Variants in CFAP20DC observed in about 807,000 individuals in gnomAD.
CFAP20DC encodes the protein protein CFAP20DC.
A neutral mutation model predicts 101.7 loss-of-function variants in CFAP20DC; 84 were observed. The observed-to-expected ratio is 0.83, with a 90% confidence interval of 0.69 to 0.99. The LOEUF (loss-of-function observed/expected upper bound fraction) is 0.99, where lower values mean the gene tolerates loss of function less well. Among genes scored for constraint, CFAP20DC ranks in the 50% least tolerant of loss-of-function variants. The pLI is 0.00. For missense variants in CFAP20DC, 1,007 were observed against 970.3 expected (o/e 1.04, Z -0.50); for synonymous variants, 359 against 351.2 (o/e 1.02, Z -0.25).
chr3:58,825,605 T>G (rs1020146655), intron 14 of CFAP20DC, among the ~76,000 whole-genome samples: 9 of 151,844 alleles, frequency 5.9e-5, no homozygotes, highest in Non-Finnish European at 1.2e-4. Flanking sequence ...CAAGATAAAA[T>G]TCACTTAAAA....
chr3:58,761,698 A>G (rs1041419051), intron 15 of CFAP20DC, among the ~76,000 whole-genome samples: 2 of 152,152 alleles, frequency 1.3e-5, no homozygotes, highest in African/African-American at 4.8e-5. Flanking sequence ...CCGTCTACAC[A>G]CTGCTTTGAA....
At chr3:58,870,756 C>A (rs1297752851) in intron 7 of CFAP20DC, among the ~76,000 whole-genome samples, 43 of 148,474 alleles carry the variant, frequency 2.9e-4, no homozygotes, top group Admixed American at 8.7e-4. Context: ...GGCGCGGTGG[C>A]GGGCGCCTGT....
At chr3:58,848,410 G>T (rs2077917588) in intron 13 of CFAP20DC, among the ~76,000 whole-genome samples, 1 of 152,128 alleles carries the variant, frequency 6.6e-6, no homozygotes, top group Non-Finnish European at 1.5e-5. Context: ...GAATGTACAT[G>T]TCATTTGTTA....
In CFAP20DC at chr3:59,007,580, A is replaced by G. The variant is rs112561989; in HGVS notation, c.278+31977T>C. ...ATTTGAGAAAGCCAGAAAACTAAAC[A>G]TGTCTACAACTAAGGACTCTCACAG... is the stretch of plus-strand genomic sequence containing the variant. On this transcript the variant is annotated intron_variant, in intron 4 of 16. Coordinates refer to ENST00000482387, the MANE Select transcript of CFAP20DC (RefSeq NM_001394063.1). This position sits in a 1 kb window ranked among gnomAD's most constrained non-coding sequence, Gnocchi z 4.4. Among the ~76,000 whole-genome samples, 1 of 152,164 alleles carries G rather than the reference A, an allele frequency of 6.6e-6. No individual in the cohort carries two copies. The highest frequency in any genetic ancestry group is 2.4e-5 in the African/African-American group (1 of 41,434).
intron 1 of CFAP20DC, among the ~76,000 whole-genome samples, chr3:59,047,795 T>C (rs554007189): frequency 1.3e-5 from 2 of 152,156 alleles, no homozygotes; most frequent in Non-Finnish European, 2.9e-5. Flanking sequence ...TACTAAACAT[T>C]AAACCTTGAG....
rs1158483831 is a variant in CFAP20DC at position 59,002,218 on chromosome 3, C to T, written c.278+37339G>A. Reference sequence around the variant, plus strand: ...ATGGAACAAAGGGGAATAAATACCTCTTACTCCCAGTAGTTGAGGATATGA... The same window carrying T: ...ATGGAACAAAGGGGAATAAATACCTTTTACTCCCAGTAGTTGAGGATATGA... On this transcript the variant is annotated intron_variant, in intron 4 of 16. Transcript: ENST00000482387. This position sits in a 1 kb window ranked among gnomAD's most constrained non-coding sequence, Gnocchi z 4.5. Among the ~76,000 whole-genome samples, 2 of 152,188 alleles carry T rather than the reference C, an allele frequency of 1.3e-5. No individual in the cohort carries two copies. The highest frequency in any genetic ancestry group is 6.5e-5 in the Admixed American group (1 of 15,286).
At chr3:58,747,763 C>A (rs1384583970) in intron 16 of CFAP20DC, among the ~76,000 whole-genome samples, 2 of 152,224 alleles carry the variant, frequency 1.3e-5, no homozygotes, top group East Asian at 3.9e-4. Context: ...AACTCTACCA[C>A]CAACATATCT....
chr3:58,829,025 T>A (rs539836808), intron 14 of CFAP20DC, among the ~76,000 whole-genome samples: 4 of 152,192 alleles, frequency 2.6e-5, no homozygotes, highest in Non-Finnish European at 5.9e-5. Context: ...TTGACATTAT[T>A]CACTGAGATA....
intron 14 of CFAP20DC, among the ~76,000 whole-genome samples, chr3:58,823,845 C>T (rs994721644): frequency 2.0e-5 from 3 of 152,210 alleles, no homozygotes; most frequent in African/African-American, 7.2e-5. Context: ...AAATTAATTT[C>T]ATTGTTTTCA....
At chr3:58,902,770 C>T (rs553668806) in intron 6 of CFAP20DC, among the ~76,000 whole-genome samples, 8 of 152,146 alleles carry the variant, frequency 5.3e-5, no homozygotes, top group Non-Finnish European at 1.2e-4. Flanking sequence ...TTACATATAA[C>T]CTATGCACAT....
At position 58,869,239 on chromosome 3, in the gene CFAP20DC, G is replaced by A; in HGVS notation, c.1015+89C>T. 1 of 1,055,232 alleles carries A rather than the reference G, an allele frequency of 9.5e-7. No homozygotes were observed. Among genetic ancestry groups the A allele is most frequent in the Non-Finnish European group, 1.4e-6 (1 of 735,528 alleles). The allele number at this position is 1,055,232 out of a possible 1,614,324, so 65.4% of individuals were successfully genotyped here. A position where few individuals can be genotyped will look rare whatever the true frequency, so the allele number is the denominator to read the frequency against. On this transcript the variant is annotated intron_variant, in intron 9 of 16. Transcript: ENST00000482387. This position sits in a 1 kb window ranked among gnomAD's most constrained non-coding sequence, Gnocchi z 4.3. ...GACAATTCTCTAGACTTAAGATCTA[G>A]ACTTGAATATAACTGCTGATTTATC...
rs144325902 is a variant in CFAP20DC, at chr3:58,794,256, A to G, written c.2237+12139T>C. 2,542 of 440,216 alleles carry G rather than the reference A, an allele frequency of 5.8e-3. 18 individuals are homozygous for G. The highest frequency in any genetic ancestry group is 6.2e-3 in the Non-Finnish European group (1,327 of 215,694). 27.3% of individuals were successfully genotyped at this position (440,216 alleles called of 1,614,324 possible). A position where few individuals can be genotyped will look rare whatever the true frequency, so the allele number is the denominator to read the frequency against. On this transcript the variant is annotated intron_variant, in intron 15 of 16. Coordinates refer to ENST00000482387, the MANE Select transcript of CFAP20DC (RefSeq NM_001394063.1). Reference sequence around the variant, plus strand: ...TTTTTTTCCCATGCCTACACCAAACATCCAACAGCATTTTCTTGTCCTGAG... The same window carrying G: ...TTTTTTTCCCATGCCTACACCAAACGTCCAACAGCATTTTCTTGTCCTGAG...
chr3:58,831,981 C>A, intron 13 of CFAP20DC, 92 bp from the exon 14 acceptor site: 2 of 1,063,858 alleles, frequency 1.9e-6, no homozygotes, highest in East Asian at 2.4e-5. Flanking sequence ...ACAGCAGCTC[C>A]CCCAACTGAC....
rs561051291 is a variant in CFAP20DC, at chr3:58,808,428, G to T, written c.2176-1972C>A. ...CAATATTCAACATTCTTAAAGAAAA[G>T]AATTTTCAACCCAGAATTTCATATC... On this transcript the variant is annotated intron_variant, in intron 14 of 16. Transcript: ENST00000482387. Among the ~76,000 whole-genome samples, 12 of 152,302 alleles carry T rather than the reference G, an allele frequency of 7.9e-5. No individual in the cohort carries two copies. In the South Asian group the frequency reaches 1.5e-3, roughly 18 times the overall value.
intron 6 of CFAP20DC, among the ~76,000 whole-genome samples, chr3:58,886,116 A>G (rs2081606103): frequency 6.6e-6 from 1 of 152,192 alleles, no homozygotes; most frequent in Non-Finnish European, 1.5e-5. Flanking sequence ...TATGTGTACC[A>G]AAGTCTTAAA....
chr3:58,751,868 A>ACACACACACAC (rs1559541321), intron 16 of CFAP20DC, among the ~76,000 whole-genome samples: 17 of 125,562 alleles, frequency 1.4e-4, no homozygotes, highest in African/African-American at 5.6e-4. Flanking sequence ...CACACACACA[A>ACACACACACAC]AATTTCCTCC....
chr3:58,791,223 A>G (rs2072822327), intron 15 of CFAP20DC, among the ~76,000 whole-genome samples: 1 of 152,114 alleles, frequency 6.6e-6, no homozygotes, highest in Admixed American at 6.6e-5. Context: ...TCCTAATATT[A>G]CTATTAATAT....
chr3:58,860,175 C>CAAAAAAAAAAAAAAAAA (rs10575757), intron 12 of CFAP20DC, among the ~76,000 whole-genome samples: 1 of 78,190 alleles, frequency 1.3e-5, no homozygotes, highest in Non-Finnish European at 2.6e-5. Context: ...AACTCCATCT[C>CAAAAAAAAAAAAAAAAA]AAAAAAAAAA....
chr3:58,733,901 T>A (rs192034500), intron 3 of CFAP20DC, among the ~76,000 whole-genome samples: 133 of 152,324 alleles, frequency 8.7e-4, no homozygotes, highest in Non-Finnish European at 1.0e-3. Context: ...CTTAGTCTTA[T>A]AATAGGGTAA....
Sources: gnomAD v4.1 joint callset for allele counts (sites outside exome capture counted in the v4.1 genomes callset) on GRCh38, gnomAD v4.1.1 for gene constraint, Gnocchi (gnomAD v3.1) non-coding constraint, MANE v1.5 for transcripts, NCBI Gene and HGNC (gene_info 2026-07-23, HGNC 2026-07-21) for gene names.